The following PLCH2 variants were observed in gnomAD, a reference collection of about 807,000 sequenced individuals.
PLCH2 encodes 1-phosphatidylinositol 4,5-bisphosphate phosphodiesterase eta-2.
Under a neutral mutation model 134.7 loss-of-function variants are expected in PLCH2, and 98 were observed. The ratio of observed to expected loss-of-function variants is 0.73; its 90% CI spans 0.62 to 0.86. The LOEUF (loss-of-function observed/expected upper bound fraction) is 0.86, where lower values mean the gene tolerates loss of function less well. Ranked by LOEUF, PLCH2 falls within the 40% of genes least tolerant of loss-of-function variation. The pLI, the probability that PLCH2 is intolerant of heterozygous loss-of-function variation, is 0.00. For missense variants in PLCH2, 1,994 were observed against 1,986.6 expected (o/e 1.00, Z -0.07); for synonymous variants, 974 against 827.5 (o/e 1.18, Z -3.04).
upstream of PLCH2, among the ~76,000 whole-genome samples, chr1:2,464,185 CT>C (rs1640951961): frequency 1.3e-5 from 2 of 152,272 alleles, no homozygotes; most frequent in African/African-American, 4.8e-5. Flanking sequence ...GTGGGAAGTC[CT>C]GGGGGTGGAG....
At chr1:2,455,900 C>T (rs577714151) in intron 2 of PLCH2, among the ~76,000 whole-genome samples, 7 of 152,342 alleles carry the variant, frequency 4.6e-5, no homozygotes, top group South Asian at 2.1e-4. Flanking sequence ...CGCGGGCGGG[C>T]TGTGTGCGTG....
intron 2 of PLCH2, among the ~76,000 whole-genome samples, chr1:2,446,141 G>GC (rs1246416015): frequency 6.6e-6 from 1 of 152,236 alleles, no homozygotes; most frequent in Non-Finnish European, 1.5e-5. Flanking sequence ...CCAGGGTGCT[G>GC]CCCCTGGCTG....
In PLCH2 at chr1:2,487,746, C is replaced by T. The variant is rs780101426; in HGVS notation, c.1235+28C>T. ...GAGTGGCTGGGCCTAGCGGGGCTGG[C>T]CCCAGAGGTGGGCAGGGTAGGGTCT... On this transcript the variant is annotated intron_variant, in intron 8 of 21. Transcript: ENST00000378486. The T allele has an allele frequency of 2.5e-6, 4 of 1,606,530 alleles. No homozygotes were observed. In the African/African-American group the frequency reaches 5.3e-5, roughly 21 times the overall value.
Position 2,486,787 on chromosome 1 carries a change from G to T in PLCH2, c.817-120G>T, listed in dbSNP as rs1364322301. 5.2e-6 allele frequency: 4 copies of T among 766,802 alleles called. No homozygotes were observed. In the African/African-American group the frequency reaches 6.9e-5, roughly 13 times the overall value. The allele number at this position is 766,802 out of a possible 1,614,324, so 47.5% of individuals were successfully genotyped here. On this transcript the variant is annotated intron_variant, in intron 5 of 21. Coordinates refer to ENST00000378486, the MANE Select transcript of PLCH2 (RefSeq NM_014638.4). ...AGTCATGTGACACTGGAGCTGGCTG[G>T]CCATGGTCATCCCTGGTGTAATCAG...
chr1:2,496,985 C>T lies in PLCH2; in HGVS notation c.2091C>T (p.Pro697=). 1 of 1,613,282 alleles carries T rather than the reference C, an allele frequency of 6.2e-7. No homozygotes were observed. The highest frequency in any genetic ancestry group is 8.5e-7 in the Non-Finnish European group (1 of 1,179,800). ...ACTCCAGCAACTACAACCCGCAGCC[C>T]TTCTGGAACGCCGGCTGCCAAATGG... is the stretch of plus-strand genomic sequence containing the variant. ...RVDSSNYNPQ[P]FWNAGCQMVA... The change falls in exon 15 of 22, where the codon CCC becomes CCT. Residue 697 remains proline, a synonymous_variant. Transcript: ENST00000378486.
intron 2 of PLCH2, among the ~76,000 whole-genome samples, chr1:2,455,386 G>A (rs1295280241): frequency 2.6e-5 from 4 of 152,166 alleles, no homozygotes; most frequent in African/African-American, 2.4e-5. Flanking sequence ...TGCATCCCTC[G>A]GTGTGGGTCC....
intron 8 of PLCH2, among the ~76,000 whole-genome samples, chr1:2,488,270 G>A (rs561732215): frequency 2.6e-4 from 40 of 152,278 alleles, no homozygotes; most frequent in African/African-American, 8.9e-4. Context: ...TCACAGTCTC[G>A]AGCTGGCCCC....
At position 2,498,991 on chromosome 1, in the gene PLCH2, C is replaced by A; in HGVS notation, c.2435-93C>A. 1 of 1,465,290 alleles carries A rather than the reference C, an allele frequency of 6.8e-7. No individual in the cohort carries two copies. The highest frequency in any genetic ancestry group is 9.3e-7 in the Non-Finnish European group (1 of 1,075,580). 90.8% of individuals were successfully genotyped at this position (1,465,290 alleles called of 1,614,324 possible). A position where few individuals can be genotyped will look rare whatever the true frequency, so the allele number is the denominator to read the frequency against. ...GTCCCGGAAGCAGCACCGGGAGTGG[C>A]ACTGGGAGTGGTGTGGGCCGGGGGC... On this transcript the variant is annotated intron_variant, in intron 18 of 21. Coordinates refer to ENST00000378486, the MANE Select transcript of PLCH2 (RefSeq NM_014638.4). The surrounding 1 kb of genome is among the most constrained non-coding windows in gnomAD (Gnocchi z 5.4).
rs750271819 is a variant in PLCH2, at chr1:2,439,751, G to A, written c.115+9122G>A. ...CCCTCGGGGGAGAGTCCCGGGGTCCGTGGGGAGAGCCCGTCAGAGTCCAGC... is the reference window on the plus strand; with the variant it reads ...CCCTCGGGGGAGAGTCCCGGGGTCCATGGGGAGAGCCCGTCAGAGTCCAGC... On this transcript the variant is annotated intron_variant, in intron 2 of 3. Transcript: ENST00000609981. The surrounding 1 kb of genome is among the most constrained non-coding windows in gnomAD (Gnocchi z 4.7). Among the ~76,000 whole-genome samples the A allele has an allele frequency of 2.5e-4, 38 of 152,114 alleles. No individual in the cohort carries two copies. The highest frequency in any genetic ancestry group is 4.6e-4 in the Non-Finnish European group (31 of 68,018).
At chr1:2,428,478 T>C (rs2494436) in intron 1 of PLCH2, among the ~76,000 whole-genome samples, 108,559 of 152,282 alleles carry the variant, frequency 0.71, 38,802 homozygotes, top group South Asian at 0.76. Flanking sequence ...CTGTCCTGCA[T>C]GGGGTCCTGC....
At chr1:2,475,746 G>A (rs1570392417), upstream of PLCH2, among the ~76,000 whole-genome samples, 1 of 152,350 alleles carries the variant, frequency 6.6e-6, no homozygotes, top group East Asian at 1.9e-4. Context: ...GGCTGCAGCT[G>A]CATGAGGGAG....
chr1:2,443,026 C>T (rs990760525), intron 2 of PLCH2, among the ~76,000 whole-genome samples: 4 of 152,230 alleles, frequency 2.6e-5, no homozygotes, highest in Non-Finnish European at 5.9e-5. Context: ...TGCTTTGGGC[C>T]TCCAGGGTCT....
upstream of PLCH2, among the ~76,000 whole-genome samples, chr1:2,476,136 C>G (rs568486580): frequency 7.5e-4 from 115 of 152,362 alleles, 1 homozygote; most frequent in Admixed American, 1.2e-3. Flanking sequence ...CAGCCCTGAC[C>G]TGGGTCTGGT....
chr1:2,445,004 T>C (rs1438138100), intron 2 of PLCH2, among the ~76,000 whole-genome samples: 2 of 152,094 alleles, frequency 1.3e-5, no homozygotes, highest in Non-Finnish European at 2.9e-5. Flanking sequence ...CGGAGGCCAC[T>C]GTCCTATCTC....
Position 2,497,555 on chromosome 1 carries a change from T to G in PLCH2, c.2170T>G (p.Phe724Val). 6.4e-7 allele frequency: 1 copy of G among 1,564,362 alleles called. No individual in the cohort carries two copies. The highest frequency in any genetic ancestry group is 1.2e-5 in the South Asian group (1 of 84,716). Residue 724 changes from phenylalanine (F) to valine (V), a missense_variant, in exon 16 of 22, where the codon TTC becomes GTC. This residue lies in a region of PLCH2 where 1,094 missense variants were observed against 1,234.3 expected (regional missense o/e 0.89). Transcript: ENST00000378486. Reference sequence around the variant, plus strand: ...GATGCTGCAGCTGAACCGAGCCAAGTTCAGCGCCAACGGTGGCTGCGGCTA... The same window carrying G: ...GATGCTGCAGCTGAACCGAGCCAAGGTCAGCGCCAACGGTGGCTGCGGCTA... ...GRMLQLNRAK[F>V]SANGGCGYVL...
rs373100010 is a variant in PLCH2, at chr1:2,504,823, G to A, written c.3861G>A (p.Arg1287=). Residue 1287 remains arginine (R), a synonymous_variant, in exon 22 of 22, where the codon CGG becomes CGA. Transcript: ENST00000378486. ...SHSLGLPGGT[R]RVSGPGVRRD... ...GCCTGGGCCTCCCGGGAGGGACACG[G>A]CGGGTGTCGGGGCCAGGGGTGAGAC... The A allele has an allele frequency of 3.5e-4, 562 of 1,609,828 alleles. No individual in the cohort carries two copies. Among genetic ancestry groups the A allele is most frequent in the Non-Finnish European group, 4.4e-4 (524 of 1,178,748 alleles).
intron 1 of PLCH2, 61 bp from the exon 2 acceptor site, chr1:2,478,415 G>A (rs1054513554): frequency 8.2e-6 from 13 of 1,590,668 alleles, no homozygotes; most frequent in South Asian, 6.7e-5. Flanking sequence ...GCTGACGGCC[G>A]TGTCTCTCCT....
rs958875601 is a variant in PLCH2 at position 2,498,904 on chromosome 1, C to T, written c.2434+76C>T. The T allele has an allele frequency of 5.3e-5, 72 of 1,367,832 alleles. No individual in the cohort carries two copies. The Admixed American group carries it at 6.2e-4, about 12-fold the overall frequency. The allele number at this position is 1,367,832 out of a possible 1,614,324, so 84.7% of individuals were successfully genotyped here. On this transcript the variant is annotated intron_variant, in intron 18 of 21. Transcript: ENST00000378486. This position sits in a 1 kb window ranked among gnomAD's most constrained non-coding sequence, Gnocchi z 5.4. ...GAGGGTTGGGGCTACCTGGTGTGCC[C>T]GGGTGCCCTGCCCAGGCCTCCCTCA... is the stretch of plus-strand genomic sequence containing the variant.
rs1311888579 is a variant in PLCH2, at chr1:2,502,225, C to A, written c.2775C>A (p.Ile925=). The part of the protein sequence containing the change: ...PPARPSVSQR[I]LRRTASAPTK... ...CCCGGCCCTCCGTTAGCCAGCGGAT[C>A]CTGCGGCGCACGGCCAGCGCCCCGA... The change falls in exon 21 of 22, where the codon ATC becomes ATA. Residue 925 remains isoleucine, a synonymous_variant. Coordinates refer to ENST00000378486, the MANE Select transcript of PLCH2 (RefSeq NM_014638.4). 3.2e-6 allele frequency: 5 copies of A among 1,540,952 alleles called. No individual in the cohort carries two copies. The highest frequency in any genetic ancestry group is 2.5e-5 in the East Asian group (1 of 40,668).
Sources: allele counts gnomAD v4.1 joint callset (sites outside exome capture counted in the v4.1 genomes callset), GRCh38; gene constraint gnomAD v4.1.1; regional missense constraint gnomAD v4.1.1; non-coding constraint Gnocchi (gnomAD v3.1); transcripts MANE v1.5; gene names NCBI Gene and HGNC (gene_info 2026-07-23, HGNC 2026-07-21).